RBMS3: variants seen among roughly 807,000 people sequenced by gnomAD.
The protein encoded by RBMS3 is RNA binding motif single stranded interacting protein 3.
A neutral mutation model predicts 66.8 loss-of-function variants in RBMS3; 27 were observed. That is an observed-to-expected ratio of 0.40 (90% CI 0.30 to 0.56). The LOEUF is 0.56. RBMS3 is among the 20% of genes least tolerant of loss of function. The pLI, the probability that RBMS3 is intolerant of heterozygous loss-of-function variation, is 0.40. For missense variants in RBMS3, 513 were observed against 549.5 expected (o/e 0.93, Z 0.66); for synonymous variants, 188 against 183.0 (o/e 1.03, Z -0.22).
intron 4 of RBMS3, among the ~76,000 whole-genome samples, chr3:29,707,445 T>G (rs1489452018): frequency 6.6e-6 from 1 of 152,242 alleles, no homozygotes; most frequent in Non-Finnish European, 1.5e-5. Context: ...TTTCCAGACC[T>G]GTTAATTTTG....
At chr3:29,663,000 G>T (rs1045104636) in intron 4 of RBMS3, among the ~76,000 whole-genome samples, 4 of 152,162 alleles carry the variant, frequency 2.6e-5, no homozygotes, top group Non-Finnish European at 5.9e-5. Flanking sequence ...ATCCTTGGAG[G>T]CAGAGGTTAC....
chr3:29,851,944 A>C (rs1299785183), intron 6 of RBMS3, among the ~76,000 whole-genome samples: 1 of 152,248 alleles, frequency 6.6e-6, no homozygotes, highest in African/African-American at 2.4e-5. Context: ...ACATAGCTAC[A>C]GTAACCAAAA....
At chr3:29,996,853 AAG>A (rs1699276683) in intron 14 of RBMS3, among the ~76,000 whole-genome samples, 2 of 152,272 alleles carry the variant, frequency 1.3e-5, no homozygotes, top group South Asian at 4.1e-4. Flanking sequence ...TCACAATTAA[AAG>A]AACTAGAAAA....
intron 6 of RBMS3, among the ~76,000 whole-genome samples, chr3:29,763,457 T>C (rs1194296529): frequency 1.3e-5 from 2 of 152,056 alleles, no homozygotes; most frequent in Non-Finnish European, 2.9e-5. Flanking sequence ...GACAATGTCA[T>C]GAAATCTCAG....
intron 13 of RBMS3, among the ~76,000 whole-genome samples, chr3:29,989,693 A>G (rs1698693659): frequency 6.6e-6 from 1 of 152,228 alleles, no homozygotes; most frequent in Non-Finnish European, 1.5e-5. Flanking sequence ...CAATGTTTAA[A>G]TCTTTCATGT....
chr3:29,709,945 A>G (rs2053090701), intron 4 of RBMS3, among the ~76,000 whole-genome samples: 1 of 152,184 alleles, frequency 6.6e-6, no homozygotes, highest in African/African-American at 2.4e-5. Flanking sequence ...GGGTCGGTTA[A>G]GTGAAGGAAT....
chr3:29,943,843 C>A (rs574576379), intron 11 of RBMS3, among the ~76,000 whole-genome samples: 45 of 151,758 alleles, frequency 3.0e-4, no homozygotes, highest in Non-Finnish European at 4.7e-4. Flanking sequence ...TGTTTCGTAT[C>A]ATGCTCTGGG....
chr3:29,837,331 G>A (rs1396745142), intron 6 of RBMS3, among the ~76,000 whole-genome samples: 2 of 151,774 alleles, frequency 1.3e-5, no homozygotes, highest in Admixed American at 1.3e-4. Flanking sequence ...TAGTTTTACT[G>A]TGGATTATTT....
At chr3:29,945,422 G>A (rs1468308752) in intron 12 of RBMS3, among the ~76,000 whole-genome samples, 1 of 151,612 alleles carries the variant, frequency 6.6e-6, no homozygotes, top group Non-Finnish European at 1.5e-5. Context: ...TTAGCATTTG[G>A]CCGCGAAGTC....
At chr3:29,760,548 C>T (rs2055633786) in intron 5 of RBMS3, among the ~76,000 whole-genome samples, 1 of 151,666 alleles carries the variant, frequency 6.6e-6, no homozygotes, top group Non-Finnish European at 1.5e-5. Context: ...CCATTCATGT[C>T]TCTGCTAGGA....
chr3:29,750,401 A>G (rs1194910469), intron 5 of RBMS3, among the ~76,000 whole-genome samples: 2 of 152,196 alleles, frequency 1.3e-5, no homozygotes, highest in East Asian at 3.8e-4. Context: ...ATTGACAAGA[A>G]ATTTAATTAT....
chr3:29,792,351 T>C (rs2057042316), intron 6 of RBMS3, among the ~76,000 whole-genome samples: 1 of 152,194 alleles, frequency 6.6e-6, no homozygotes, highest in Non-Finnish European at 1.5e-5. Flanking sequence ...AGTTAAAATA[T>C]GTCTTATTGT....
intron 3 of RBMS3, among the ~76,000 whole-genome samples, chr3:29,523,686 T>C (rs1243306405): frequency 6.6e-6 from 1 of 152,176 alleles, no homozygotes; most frequent in Non-Finnish European, 1.5e-5. Flanking sequence ...CTGCTATTGA[T>C]GGCTTACTAG....
chr3:29,552,163 GA>G (rs2046200874), intron 3 of RBMS3, among the ~76,000 whole-genome samples: 1 of 152,124 alleles, frequency 6.6e-6, no homozygotes, highest in Non-Finnish European at 1.5e-5. Context: ...GAGGTGAAAG[GA>G]ATGTTTACTC....
At chr3:29,998,989 C>T (rs1448755154) in intron 14 of RBMS3, among the ~76,000 whole-genome samples, 1 of 152,022 alleles carries the variant, frequency 6.6e-6, no homozygotes, top group Non-Finnish European at 1.5e-5. Flanking sequence ...AGGCAACCTA[C>T]AGAATGGGAG....
At chr3:29,620,926 G>A (rs2048844460) in intron 4 of RBMS3, among the ~76,000 whole-genome samples, 1 of 152,034 alleles carries the variant, frequency 6.6e-6, no homozygotes, top group South Asian at 2.1e-4. Flanking sequence ...TTTTAATTGT[G>A]ATAAAATATG....
intron 10 of RBMS3, among the ~76,000 whole-genome samples, chr3:29,914,572 A>G (rs1445024897): frequency 6.6e-6 from 1 of 151,792 alleles, no homozygotes; most frequent in African/African-American, 2.4e-5. Flanking sequence ...AAATGCTTGC[A>G]TATGCCCCTT....
intron 14 of RBMS3, among the ~76,000 whole-genome samples, chr3:30,003,574 T>G (rs1434351869): frequency 6.6e-6 from 1 of 151,960 alleles, no homozygotes; most frequent in African/African-American, 2.4e-5. Flanking sequence ...CTATAGTAGT[T>G]TTGAAGGAAC....
At chr3:29,317,167 C>T (rs1180459096) in intron 1 of RBMS3, among the ~76,000 whole-genome samples, 2 of 151,734 alleles carry the variant, frequency 1.3e-5, no homozygotes, top group African/African-American at 4.8e-5. Flanking sequence ...ATATTGCGTA[C>T]TGTGACATTT....
Sources: gnomAD v4.1 joint callset for allele counts (sites outside exome capture counted in the v4.1 genomes callset) on GRCh38, gnomAD v4.1.1 for gene constraint, MANE v1.5 for transcripts, NCBI Gene and HGNC (gene_info 2026-07-23, HGNC 2026-07-21) for gene names.